The following NUDT3 variants were observed in gnomAD, a reference collection of about 807,000 sequenced individuals.
The protein encoded by NUDT3 is nudix hydrolase 3, also known as diphosphoinositol polyphosphate phosphohydrolase 1.
In NUDT3, 9 loss-of-function variants were observed where a neutral mutation model predicts 23.6. The observed-to-expected ratio is 0.38, with a 90% CI of 0.23 to 0.66. The LOEUF (loss-of-function observed/expected upper bound fraction) is 0.66. Ranked by LOEUF, NUDT3 falls within the 30% of genes least tolerant of loss-of-function variation. The probability of loss-of-function intolerance (pLI) is 0.52; values close to 1 mark genes in which losing one functional copy is unlikely to be tolerated. For missense variants in NUDT3, 172 were observed against 218.5 expected (o/e 0.79, Z 1.34); for synonymous variants, 86 against 82.6 (o/e 1.04, Z -0.22).
rs566009641 is a variant in NUDT3, at chr6:34,354,701, C to T, written c.100-12729G>A. Among the ~76,000 whole-genome samples, 6 of 137,754 alleles carry T rather than the reference C, an allele frequency of 4.4e-5. 1 individual carries two copies. The highest frequency in any genetic ancestry group is 1.7e-4 in the African/African-American group (6 of 36,122). 90.4% of individuals were successfully genotyped at this position (137,754 alleles called of 152,430 possible). A position where few individuals can be genotyped will look rare whatever the true frequency, so the allele number is the denominator to read the frequency against. ...TGGCACCACTGCACTCCAGCCTGGG[C>T]GACAGAGCAAGACTCTATCTCGGGG... On this transcript the variant is annotated intron_variant, in intron 1 of 4. Transcript: ENST00000607016.
intron 2 of NUDT3, among the ~76,000 whole-genome samples, chr6:34,327,059 G>A (rs1443258528): frequency 6.6e-6 from 1 of 151,822 alleles, no homozygotes; most frequent in Non-Finnish European, 1.5e-5. Flanking sequence ...ATGGCTGGGT[G>A]CACTGATATT....
At chr6:34,335,124 G>C (rs1432439151) in intron 2 of NUDT3, among the ~76,000 whole-genome samples, 2 of 152,150 alleles carry the variant, frequency 1.3e-5, no homozygotes, top group African/African-American at 2.4e-5. Flanking sequence ...GAAACATACA[G>C]CATGAGTGAA....
chr6:34,312,118 T>A (rs1250890880), intron 2 of NUDT3, among the ~76,000 whole-genome samples: 1 of 152,102 alleles, frequency 6.6e-6, no homozygotes, highest in Non-Finnish European at 1.5e-5. Context: ...TAGCTAAAAT[T>A]GGCAGGGTGT....
intron 1 of NUDT3, among the ~76,000 whole-genome samples, chr6:34,369,300 CATT>C (rs1479832376): frequency 1.3e-5 from 2 of 152,176 alleles, no homozygotes; most frequent in East Asian, 3.8e-4. Context: ...ATAGCTACAA[CATT>C]ATTTACAAAA....
intron 1 of NUDT3, among the ~76,000 whole-genome samples, chr6:34,348,114 A>G (rs541308613): frequency 1.3e-3 from 205 of 151,876 alleles, no homozygotes; most frequent in Non-Finnish European, 2.0e-3. Context: ...CGTCTCTACA[A>G]AACAAAAACA....
rs1441626792 is a variant in NUDT3 at position 34,280,578 on chromosome 6, T to C, written c.*8175A>G. 1.3e-5 allele frequency: 2 copies of C among 152,242 alleles called. No individual in the cohort carries two copies. The highest frequency in any genetic ancestry group is 4.8e-5 in the African/African-American group (2 of 41,470). The allele number at this position is 152,242 out of a possible 1,614,324, so 9.4% of individuals were successfully genotyped here. On this transcript the variant is annotated 3_prime_UTR_variant, in exon 5 of 5. Coordinates refer to ENST00000607016, the MANE Select transcript of NUDT3 (RefSeq NM_006703.4). ...ATTTGAGGTCATCCTTGCCATCCTC[T>C]TAAAAAATGACACAGCCTCTTGGTT...
intron 1 of NUDT3, among the ~76,000 whole-genome samples, chr6:34,363,974 C>A (rs1033268013): frequency 6.6e-6 from 1 of 151,848 alleles, no homozygotes; most frequent in African/African-American, 2.4e-5. Flanking sequence ...GGTTTCACCA[C>A]GGTTGTCGCC....
intron 1 of NUDT3, among the ~76,000 whole-genome samples, chr6:34,380,430 G>A (rs1436494895): frequency 6.6e-6 from 1 of 152,054 alleles, no homozygotes; most frequent in Non-Finnish European, 1.5e-5. Context: ...ATGGCTCACT[G>A]CAGCCTCAAA....
In NUDT3 at chr6:34,308,817, AAGG is replaced by A. The variant is rs528481489; in HGVS notation, c.211-13135_211-13133del. Reference sequence around the variant, plus strand: ...ATGAAGCAAAAACTGACAGAACTGCAAGGAGAAGTAGATGAATCCATTATTACT... The same window carrying A: ...ATGAAGCAAAAACTGACAGAACTGCAAGAAGTAGATGAATCCATTATTACT... On this transcript the variant is annotated intron_variant, in intron 2 of 4. Coordinates refer to ENST00000607016, the MANE Select transcript of NUDT3 (RefSeq NM_006703.4). Among the ~76,000 whole-genome samples the A allele has an allele frequency of 4.0e-3, 602 of 152,340 alleles. 1 individual carries two copies. The highest frequency in any genetic ancestry group is 7.3e-3 in the Non-Finnish European group (496 of 68,032).
intron 2 of NUDT3, among the ~76,000 whole-genome samples, chr6:34,303,969 G>A (rs116125219): frequency 5.5e-4 from 84 of 152,168 alleles, no homozygotes; most frequent in Non-Finnish European, 1.1e-3. Flanking sequence ...AGTCTGCTAC[G>A]AGGCCAGGCG....
At chr6:34,336,744 C>T (rs1418529168) in intron 2 of NUDT3, among the ~76,000 whole-genome samples, 3 of 150,506 alleles carry the variant, frequency 2.0e-5, no homozygotes, top group Admixed American at 6.6e-5. Flanking sequence ...TTAAGTAGGA[C>T]AACTGAAGTT....
chr6:34,362,771 G>A (rs969061502), intron 1 of NUDT3, among the ~76,000 whole-genome samples: 1 of 152,076 alleles, frequency 6.6e-6, no homozygotes, highest in Non-Finnish European at 1.5e-5. Context: ...TTCTATTCAT[G>A]TAAATATAAC....
chr6:34,338,057 G>A (rs956519417), intron 2 of NUDT3, among the ~76,000 whole-genome samples: 2 of 152,222 alleles, frequency 1.3e-5, no homozygotes, highest in Admixed American at 6.5e-5. Context: ...GTCAGGCAAA[G>A]GTTCTGGTGC....
intron 2 of NUDT3, among the ~76,000 whole-genome samples, chr6:34,313,379 G>A (rs1763805120): frequency 6.6e-6 from 1 of 152,070 alleles, no homozygotes; most frequent in Non-Finnish European, 1.5e-5. Context: ...GAGCACAGAG[G>A]ATTTTTATAG....
At chr6:34,349,506 G>C (rs554453654) in intron 1 of NUDT3, among the ~76,000 whole-genome samples, 1 of 150,734 alleles carries the variant, frequency 6.6e-6, no homozygotes, top group Non-Finnish European at 1.5e-5. Context: ...GACATCTAAT[G>C]AGTATTTCTA....
chr6:34,357,839 T>C (rs192159731), intron 1 of NUDT3, among the ~76,000 whole-genome samples: 79 of 152,298 alleles, frequency 5.2e-4, no homozygotes, highest in Admixed American at 9.2e-4. Flanking sequence ...TTTTCTTCTA[T>C]AACTTGAATT....
At chr6:34,337,841 TC>T (rs1764231480) in intron 2 of NUDT3, among the ~76,000 whole-genome samples, 1 of 152,230 alleles carries the variant, frequency 6.6e-6, no homozygotes, top group Admixed American at 6.5e-5. Context: ...CTCTCTCTAT[TC>T]CAGAACCATC....
chr6:34,310,011 C>T (rs1763747020), intron 2 of NUDT3, among the ~76,000 whole-genome samples: 1 of 150,956 alleles, frequency 6.6e-6, no homozygotes, highest in Non-Finnish European at 1.5e-5. Flanking sequence ...GGTGGGAGGA[C>T]TGCTTGAGGC....
At chr6:34,297,747 ATATATATATATAATTT>A (rs1270542943) in intron 2 of NUDT3, among the ~76,000 whole-genome samples, 1,490 of 110,994 alleles carry the variant, frequency 0.013, 44 homozygotes, top group Non-Finnish European at 0.022. Context: ...ATATATATAT[ATATATATATATAATTT>A]TTTTTTTTTT....
Sources: gnomAD v4.1 joint callset for allele counts (sites outside exome capture counted in the v4.1 genomes callset) on GRCh38, gnomAD v4.1.1 for gene constraint, MANE v1.5 for transcripts, NCBI Gene and HGNC (gene_info 2026-07-23, HGNC 2026-07-21) for gene names.